PKHD1L1: variants seen among roughly 807,000 people sequenced by gnomAD.
PKHD1L1 encodes fibrocystin-L.
In PKHD1L1, 434 loss-of-function variants were observed where a neutral mutation model predicts 462.9. The observed-to-expected ratio is 0.94, with a 90% CI of 0.87 to 1.02. PKHD1L1 has a LOEUF of 1.02. PKHD1L1 is among the 50% of genes least tolerant of loss of function. The probability of loss-of-function intolerance (pLI) is 0.00; values close to 1 mark genes in which losing one functional copy is unlikely to be tolerated. For synonymous variants in PKHD1L1, 1,781 were observed against 1,750.0 expected (o/e 1.02, Z -0.44); for missense variants, 5,202 against 5,096.1 (o/e 1.02, Z -0.63).
At position 109,530,214 on chromosome 8, in the gene PKHD1L1, A is replaced by G; in HGVS notation, c.*124A>G. 2.1e-6 allele frequency: 1 copy of G among 474,636 alleles called. No homozygotes were observed. Among genetic ancestry groups the G allele is most frequent in the Non-Finnish European group, 3.4e-6 (1 of 296,784 alleles). 29.4% of individuals were successfully genotyped at this position (474,636 alleles called of 1,614,324 possible). On this transcript the variant is annotated 3_prime_UTR_variant, in exon 78 of 78. Coordinates refer to ENST00000378402, the MANE Select transcript of PKHD1L1 (RefSeq NM_177531.6). ...ACTAAAAATATTTTTATGATATATA[A>G]AATGTACTAATTAGCTTTAAACACT...
In PKHD1L1 at chr8:109,376,229, G is replaced by A. The variant is rs551813356; in HGVS notation, c.164-5141G>A. On this transcript the variant is annotated intron_variant, in intron 2 of 77. Transcript: ENST00000378402. ...GTGCCCCTCCCCCAGCCTCGCTGCC[G>A]CCTTGCAGTTTGATCTCAGACTGCT... Among the ~76,000 whole-genome samples, 645 of 152,300 alleles carry A rather than the reference G, an allele frequency of 4.2e-3. 11 individuals carry two copies. Among genetic ancestry groups the A allele is most frequent in the African/African-American group, 0.015 (603 of 41,556 alleles).
chr8:109,453,198 C>T (rs1227118488), intron 43 of PKHD1L1, among the ~76,000 whole-genome samples: 5 of 151,972 alleles, frequency 3.3e-5, no homozygotes, highest in African/African-American at 7.3e-5. Flanking sequence ...TGAGCATGCC[C>T]GCCCACTTTC....
rs773435061 is a variant in PKHD1L1 at position 109,522,172 on chromosome 8, A to G, written c.12032-14A>G. 2.1e-5 allele frequency: 34 copies of G among 1,581,562 alleles called. No homozygotes were observed. Among genetic ancestry groups the G allele is most frequent in the Non-Finnish European group, 2.9e-5 (34 of 1,154,720 alleles). On this transcript the variant is annotated splice_polypyrimidine_tract_variant and intron_variant, in intron 73 of 77. Transcript: ENST00000378402. ...ACTTTTATAATCCAAATGTCATAATACTTTTCCCCATAGGTCAGATGCAGT... is the reference window on the plus strand; with the variant it reads ...ACTTTTATAATCCAAATGTCATAATGCTTTTCCCCATAGGTCAGATGCAGT...
At position 109,412,372 on chromosome 8, in the gene PKHD1L1, CA is replaced by C; in HGVS notation, c.2194del (p.Arg732AspfsTer17). 6.2e-7 allele frequency: 1 copy of C among 1,613,550 alleles called. No homozygotes were observed. The highest frequency in any genetic ancestry group is 8.5e-7 in the Non-Finnish European group (1 of 1,179,612). On this transcript the variant is annotated frameshift_variant, in exon 20 of 78. Transcript: ENST00000378402. LOFTEE classifies it high-confidence loss of function. ...LFDSADVKPN[R>X]RPYGDILLFP... Reference sequence around the variant, plus strand: ...TTGACTCAGCAGATGTTAAACCAAACAGACGACCATATGGAGATATTTTATT... The same window carrying C: ...TTGACTCAGCAGATGTTAAACCAAACGACGACCATATGGAGATATTTTATT...
rs1821116704 is a variant in PKHD1L1, at chr8:109,535,004, T to A, written c.*4914T>A. Reference sequence around the variant, plus strand: ...GGTAAGTGTTAAATAAACTTTCTGATAAACCAATGATTGGGTAGCATGATG... The same window carrying A: ...GGTAAGTGTTAAATAAACTTTCTGAAAAACCAATGATTGGGTAGCATGATG... On this transcript the variant is annotated 3_prime_UTR_variant, in exon 78 of 78. Coordinates refer to ENST00000378402, the MANE Select transcript of PKHD1L1 (RefSeq NM_177531.6). Among the ~76,000 whole-genome samples the A allele has an allele frequency of 6.6e-6, 1 of 152,186 alleles. No individual in the cohort carries two copies. Among genetic ancestry groups the A allele is most frequent in the East Asian group, 1.9e-4 (1 of 5,198 alleles).
chr8:109,477,207 C>T lies in PKHD1L1; in HGVS notation c.8918-18C>T. On this transcript the variant is annotated intron_variant, in intron 52 of 77. Coordinates refer to ENST00000378402, the MANE Select transcript of PKHD1L1 (RefSeq NM_177531.6). ...TTGGTCACTATGTTCATTTAACCCA[C>T]TTTTACTTCACTTTCAGTGTCAGGA... The T allele has an allele frequency of 6.2e-7, 1 of 1,612,446 alleles. No homozygotes were observed. Among genetic ancestry groups the T allele is most frequent in the Non-Finnish European group, 8.5e-7 (1 of 1,179,404 alleles).
intron 59 of PKHD1L1, among the ~76,000 whole-genome samples, chr8:109,487,072 C>T (rs1818566142): frequency 6.6e-6 from 1 of 151,920 alleles, no homozygotes; most frequent in African/African-American, 2.4e-5. Flanking sequence ...ACCAGTCTTT[C>T]ACCTAACAGA....
At chr8:109,446,261 G>T (rs1160025598) in intron 38 of PKHD1L1, among the ~76,000 whole-genome samples, 1 of 152,138 alleles carries the variant, frequency 6.6e-6, no homozygotes, top group Non-Finnish European at 1.5e-5. Flanking sequence ...AATGCTTCGA[G>T]CTATTAGAAT....
intron 45 of PKHD1L1, 39 bp from the exon 46 acceptor site, chr8:109,456,223 C>T (rs771390825): frequency 1.3e-6 from 2 of 1,546,774 alleles, no homozygotes; most frequent in Admixed American, 2.1e-5. Flanking sequence ...ACAAATCAAA[C>T]ACATGTAAGG....
At chr8:109,423,012 C>G (rs1194185946) in intron 23 of PKHD1L1, among the ~76,000 whole-genome samples, 1 of 152,128 alleles carries the variant, frequency 6.6e-6, no homozygotes, top group Non-Finnish European at 1.5e-5. Context: ...ACCTACATAT[C>G]TTCTACTGTG....
chr8:109,414,351 T>C (rs185861113), intron 21 of PKHD1L1, among the ~76,000 whole-genome samples: 1 of 152,312 alleles, frequency 6.6e-6, no homozygotes, highest in East Asian at 1.9e-4. Context: ...TTTTAACACA[T>C]GTATACAGTC....
At chr8:109,418,019 C>A (rs1757890799) in intron 21 of PKHD1L1, among the ~76,000 whole-genome samples, 1 of 152,172 alleles carries the variant, frequency 6.6e-6, no homozygotes, top group Admixed American at 6.5e-5. Flanking sequence ...AGTTGTAAAT[C>A]AAGTTTTAAA....
intron 63 of PKHD1L1, 98 bp from the exon 64 acceptor site, chr8:109,496,821 T>C (rs1819112105): frequency 1.1e-5 from 15 of 1,310,188 alleles, no homozygotes; most frequent in Non-Finnish European, 1.3e-5. Flanking sequence ...TGTATGTAAT[T>C]TTGAAAAGAA....
chr8:109,449,715 G>T (rs1168431740), intron 40 of PKHD1L1, among the ~76,000 whole-genome samples: 1 of 152,088 alleles, frequency 6.6e-6, no homozygotes, highest in African/African-American at 2.4e-5. Context: ...TTCAGTTTCT[G>T]GTATAAACTG....
intron 2 of PKHD1L1, among the ~76,000 whole-genome samples, chr8:109,372,324 A>G (rs1287001286): frequency 6.6e-6 from 1 of 152,056 alleles, no homozygotes; most frequent in Non-Finnish European, 1.5e-5. Flanking sequence ...TTGGTGTATA[A>G]CAATGCTTGT....
In PKHD1L1 at chr8:109,449,449, A is replaced by C. The variant is rs1301171615; in HGVS notation, c.6137A>C (p.Asp2046Ala). 1 of 1,599,856 alleles carries C rather than the reference A, an allele frequency of 6.3e-7. No homozygotes were observed. The highest frequency in any genetic ancestry group is 8.5e-7 in the Non-Finnish European group (1 of 1,172,334). The change falls in exon 40 of 78, where the codon GAT (aspartate) becomes GCT (alanine). Residue 2046 changes from aspartate to alanine, a missense_variant. Transcript: ENST00000378402. ...TGTGCAATTGACAGGCTTAGATCTG[A>C]TTACACAACACTATTATGTGAAATT... ...SECAIDRLRS[D>A]YTTLLCEIPS...
At position 109,476,746 on chromosome 8, in the gene PKHD1L1, G is replaced by T. The variant is rs549113336; in HGVS notation, c.8917+79G>T. ...GAGAAAAATTGCTTAATAAGCAAAT[G>T]TGTTGTGCAGTGCTTAATATATACA... On this transcript the variant is annotated intron_variant, in intron 52 of 77. Transcript: ENST00000378402. 41 of 1,226,096 alleles carry T rather than the reference G, an allele frequency of 3.3e-5. No homozygotes were observed. In the African/African-American group the frequency reaches 4.9e-4, roughly 15 times the overall value. The allele number at this position is 1,226,096 out of a possible 1,614,324, so 76.0% of individuals were successfully genotyped here.
Position 109,406,454 on chromosome 8 carries a change from A to C in PKHD1L1, c.1789A>C (p.Met597Leu). 1.2e-6 allele frequency: 2 copies of C among 1,603,004 alleles called. No homozygotes were observed. The highest frequency in any genetic ancestry group is 8.5e-7 in the Non-Finnish European group (1 of 1,174,398). ...ACAAAATCCCCAGAGCTATGTCTAC[A>C]TGGTAACATTCATATCAACTAGAGG... ...RTQNPQSYVY[M>L]VTFISTRGDF... The change falls in exon 17 of 78, where the codon ATG (methionine) becomes CTG (leucine). Residue 597 changes from methionine (M) to leucine (L), a missense_variant. Transcript: ENST00000378402.
rs1362190311 is a variant in PKHD1L1, at chr8:109,452,414, G to A, written c.6507+134G>A. 50 of 876,462 alleles carry A rather than the reference G, an allele frequency of 5.7e-5. No individual in the cohort carries two copies. In the Admixed American group the frequency reaches 1.9e-3, roughly 33 times the overall value. The allele number at this position is 876,462 out of a possible 1,614,324, so 54.3% of individuals were successfully genotyped here. A position where few individuals can be genotyped will look rare whatever the true frequency, so the allele number is the denominator to read the frequency against. On this transcript the variant is annotated intron_variant, in intron 42 of 77. Transcript: ENST00000378402. ...GAGCTGTGACCATAATAAATCTAAAGTAGCTTACATTTTTTGTTGCTTTTC... is the reference window on the plus strand; with the variant it reads ...GAGCTGTGACCATAATAAATCTAAAATAGCTTACATTTTTTGTTGCTTTTC...
Sources: allele counts gnomAD v4.1 joint callset (sites outside exome capture counted in the v4.1 genomes callset), GRCh38; gene constraint gnomAD v4.1.1; transcripts MANE v1.5; gene names NCBI Gene and HGNC (gene_info 2026-07-23, HGNC 2026-07-21).